PRLR: variants seen among roughly 807,000 people sequenced by gnomAD.
PRLR encodes prolactin receptor.
In PRLR, 13 loss-of-function variants were observed where a neutral mutation model predicts 40.2. That is an observed-to-expected ratio of 0.32 (90% CI 0.21 to 0.51). The LOEUF is 0.51. PRLR is among the 20% of genes least tolerant of loss of function. The probability of loss-of-function intolerance (pLI) is 0.97; values close to 1 mark genes in which losing one functional copy is unlikely to be tolerated. For synonymous variants in PRLR, 269 were observed against 278.7 expected (o/e 0.97, Z 0.35); for missense variants, 656 against 747.3 (o/e 0.88, Z 1.42).
At position 35,084,667 on chromosome 5, in the gene PRLR, A is replaced by G; in HGVS notation, c.204-28T>C. ...GCAATAAGTAATGTATTAGGAATGA[A>G]TAAGAAAGTAATAAAGAGAGTCTAG... On this transcript the variant is annotated intron_variant, in intron 4 of 9. Coordinates refer to ENST00000618457, the MANE Select transcript of PRLR (RefSeq NM_000949.7). 4 of 1,590,822 alleles carry G rather than the reference A, an allele frequency of 2.5e-6. No homozygotes were observed. In the South Asian group the frequency reaches 3.4e-5, roughly 14 times the overall value.
chr5:35,229,591 C>A (rs1273113156), intron 1 of PRLR, among the ~76,000 whole-genome samples: 1 of 152,180 alleles, frequency 6.6e-6, no homozygotes, highest in East Asian at 1.9e-4. Flanking sequence ...AGCGGGCTCT[C>A]CTTCCAGCTT....
At chr5:35,078,608 C>T (rs903099950) in intron 5 of PRLR, among the ~76,000 whole-genome samples, 1 of 152,054 alleles carries the variant, frequency 6.6e-6, no homozygotes, top group African/African-American at 2.4e-5. Flanking sequence ...GACGGATTCA[C>T]AGCCGAATTC....
At chr5:35,105,313 T>G (rs111407634) in intron 2 of PRLR, among the ~76,000 whole-genome samples, 1,788 of 152,274 alleles carry the variant, frequency 0.012, 31 homozygotes, top group African/African-American at 0.041. Flanking sequence ...TCAGAGTGCC[T>G]CTTCTCCTCC....
intron 1 of PRLR, among the ~76,000 whole-genome samples, chr5:35,216,609 G>C (rs1776294533): frequency 6.6e-6 from 1 of 152,106 alleles, no homozygotes; most frequent in Non-Finnish European, 1.5e-5. Flanking sequence ...GGACAACCTG[G>C]GACATAGGTC....
At position 35,059,818 on chromosome 5, in the gene PRLR, A is replaced by G. The variant is rs1262280694; in HGVS notation, c.*5271T>C. 3.3e-5 allele frequency: 5 copies of G among 152,204 alleles called. No individual in the cohort carries two copies. Among genetic ancestry groups the G allele is most frequent in the Non-Finnish European group, 7.3e-5 (5 of 68,036 alleles). The allele number at this position is 152,204 out of a possible 1,614,324, so 9.4% of individuals were successfully genotyped here. A position where few individuals can be genotyped will look rare whatever the true frequency, so the allele number is the denominator to read the frequency against. ...AAAGCTTCTCCTTCAGACCTCCAGT[A>G]TCTAGTCATCGAAGTAACTTGGGTT... On this transcript the variant is annotated 3_prime_UTR_variant, in exon 10 of 10. Transcript: ENST00000618457.
intron 1 of PRLR, among the ~76,000 whole-genome samples, chr5:35,149,216 T>C (rs1774273587): frequency 6.6e-6 from 1 of 152,132 alleles, no homozygotes; most frequent in Admixed American, 6.5e-5. Context: ...AGACCCAAGA[T>C]TTATTACTGT....
At chr5:35,153,321 G>A (rs1217209310) in intron 1 of PRLR, among the ~76,000 whole-genome samples, 1 of 152,162 alleles carries the variant, frequency 6.6e-6, no homozygotes, top group Non-Finnish European at 1.5e-5. Flanking sequence ...TCTTTACAAT[G>A]TTCTTTTGTC....
intron 1 of PRLR, among the ~76,000 whole-genome samples, chr5:35,166,408 G>A (rs1774828582): frequency 6.6e-6 from 1 of 152,072 alleles, no homozygotes; most frequent in Non-Finnish European, 1.5e-5. Flanking sequence ...AGACACTCTT[G>A]GGGAAAAGAA....
intron 1 of PRLR, among the ~76,000 whole-genome samples, chr5:35,165,905 G>T (rs1774809771): frequency 6.6e-6 from 1 of 152,176 alleles, no homozygotes; most frequent in Admixed American, 6.5e-5. Flanking sequence ...CCTGGGACTT[G>T]TTAAGGGTTA....
intron 1 of PRLR, among the ~76,000 whole-genome samples, chr5:35,193,692 T>C (rs1775664392): frequency 6.6e-6 from 1 of 152,172 alleles, no homozygotes; most frequent in Non-Finnish European, 1.5e-5. Flanking sequence ...GCATGGGAGC[T>C]ACTGCTATTG....
intron 6 of PRLR, among the ~76,000 whole-genome samples, chr5:35,071,627 C>T (rs1377993462): frequency 2.0e-5 from 3 of 151,990 alleles, no homozygotes; most frequent in African/African-American, 2.4e-5. Context: ...GAGACGGAGT[C>T]GCTCTTGTCA....
At chr5:35,124,058 G>A (rs1163825987) in intron 1 of PRLR, among the ~76,000 whole-genome samples, 1 of 152,158 alleles carries the variant, frequency 6.6e-6, no homozygotes, top group East Asian at 1.9e-4. Context: ...CAATGTACTA[G>A]CTCTCAGGAG....
intron 1 of PRLR, among the ~76,000 whole-genome samples, chr5:35,208,743 T>A (rs1259308580): frequency 3.9e-5 from 6 of 152,128 alleles, no homozygotes; most frequent in Admixed American, 2.0e-4. Flanking sequence ...GTTTATTTTT[T>A]AAAAATTAAG....
chr5:35,108,754 T>C (rs569564806), intron 2 of PRLR, among the ~76,000 whole-genome samples: 1 of 152,320 alleles, frequency 6.6e-6, no homozygotes, highest in South Asian at 2.1e-4. Flanking sequence ...TGCTCATAGA[T>C]AGGAATAATC....
At chr5:35,135,608 A>G (rs2962099) in intron 1 of PRLR, among the ~76,000 whole-genome samples, 31,567 of 152,034 alleles carry the variant, frequency 0.21, 5,924 homozygotes, top group African/African-American at 0.5. Context: ...CTGAGGGTCT[A>G]CATGTGTTTG....
intron 1 of PRLR, among the ~76,000 whole-genome samples, chr5:35,186,567 G>C (rs1264540033): frequency 6.6e-6 from 1 of 152,194 alleles, no homozygotes; most frequent in Admixed American, 6.5e-5. Flanking sequence ...TCTTCCCTAT[G>C]ACCCTGAGAG....
intron 1 of PRLR, chr5:35,195,005 G>A (rs992644736): frequency 6.6e-5 from 10 of 152,158 alleles, no homozygotes; most frequent in Non-Finnish European, 1.5e-4. Context: ...GGGGGAAAAC[G>A]GGTATGTGGG....
intron 6 of PRLR, 89 bp downstream of exon 6, chr5:35,072,486 T>G (rs946026760): frequency 7.0e-7 from 1 of 1,422,136 alleles, no homozygotes; most frequent in Non-Finnish European, 9.6e-7. Context: ...AGTGACCCAG[T>G]AATTAGGAGG....
intron 1 of PRLR, among the ~76,000 whole-genome samples, chr5:35,204,664 A>G (rs1775969143): frequency 6.6e-6 from 1 of 152,204 alleles, no homozygotes; most frequent in African/African-American, 2.4e-5. Context: ...GATTTTTTAA[A>G]CAACCTGGAA....
Sources: gnomAD v4.1 joint callset for allele counts (sites outside exome capture counted in the v4.1 genomes callset) on GRCh38, gnomAD v4.1.1 for gene constraint, MANE v1.5 for transcripts, NCBI Gene and HGNC (gene_info 2026-07-23, HGNC 2026-07-21) for gene names.